RNF220: variants seen among roughly 807,000 people sequenced by gnomAD.
The protein encoded by RNF220 is ring finger protein 220, also known as E3 ubiquitin-protein ligase RNF220.
A neutral mutation model predicts 67.1 loss-of-function variants in RNF220; 7 were observed. That is an observed-to-expected ratio of 0.10 (90% CI 0.06 to 0.20). RNF220 has a LOEUF of 0.20. Ranked by LOEUF, RNF220 falls within the 10% of genes least tolerant of loss-of-function variation. RNF220 has a pLI of 1.00. For synonymous variants in RNF220, 270 were observed against 283.2 expected, an observed-to-expected ratio of 0.95 and a Z score of 0.47; for missense variants, 565 against 740.3, an observed-to-expected ratio of 0.76 and a Z score of 2.75.
At chr1:44,589,070 T>G (rs1254188176) in intron 2 of RNF220, among the ~76,000 whole-genome samples, 2 of 152,228 alleles carry the variant, frequency 1.3e-5, no homozygotes, top group Non-Finnish European at 1.5e-5. Flanking sequence ...CCTTTCTGAC[T>G]TGCCTGCTCA....
chr1:44,496,564 G>A (rs1409110300), intron 2 of RNF220, among the ~76,000 whole-genome samples: 1 of 152,148 alleles, frequency 6.6e-6, no homozygotes, highest in African/African-American at 2.4e-5. Flanking sequence ...TGAGTCCAAG[G>A]GGAAAAAGCC....
chr1:44,486,567 T>A (rs1656324686), intron 2 of RNF220, among the ~76,000 whole-genome samples: 1 of 152,356 alleles, frequency 6.6e-6, no homozygotes, highest in East Asian at 1.9e-4. Context: ...TCAGGCTGGT[T>A]TTTTATCAAA....
chr1:44,572,563 A>C lies in RNF220; in HGVS notation c.626-41602A>C, dbSNP rs554247055. Among the ~76,000 whole-genome samples, 487 of 152,316 alleles carry C rather than the reference A, an allele frequency of 3.2e-3. 6 individuals are homozygous for C. Among genetic ancestry groups the C allele is most frequent in the African/African-American group, 0.011 (457 of 41,548 alleles). On this transcript the variant is annotated intron_variant, in intron 2 of 14. Transcript: ENST00000361799. ...ATAATGTTTTGTGAAATCAATGACA[A>C]AGTGAATCTCTCTCTGTACATTGCA...
intron 2 of RNF220, among the ~76,000 whole-genome samples, chr1:44,535,218 G>A (rs778862140): frequency 2.8e-4 from 39 of 136,994 alleles, no homozygotes; most frequent in Non-Finnish European, 4.1e-4. Context: ...TCAGCTCACC[G>A]CAACCTCTGC....
At chr1:44,634,316 T>C (rs561045090) in intron 6 of RNF220, among the ~76,000 whole-genome samples, 1 of 152,378 alleles carries the variant, frequency 6.6e-6, no homozygotes, top group East Asian at 1.9e-4. Context: ...TTGATCTCTC[T>C]AAGCTTTGGG....
chr1:44,633,401 C>T (rs1389447274), intron 6 of RNF220, among the ~76,000 whole-genome samples: 1 of 152,200 alleles, frequency 6.6e-6, no homozygotes, highest in East Asian at 1.9e-4. Flanking sequence ...ATGCTACCTC[C>T]TTGGCAAATG....
At chr1:44,631,149 T>C (rs1042684213) in intron 5 of RNF220, among the ~76,000 whole-genome samples, 1 of 152,212 alleles carries the variant, frequency 6.6e-6, no homozygotes, top group South Asian at 2.1e-4. Flanking sequence ...ACCCAAATAA[T>C]TCACACACGG....
intron 1 of RNF220, among the ~76,000 whole-genome samples, chr1:44,408,508 T>TA (rs564691082): frequency 2.0e-5 from 3 of 151,536 alleles, no homozygotes; most frequent in Admixed American, 6.6e-5. Context: ...TCTGTGAACT[T>TA]AAAAAAAAAA....
In RNF220 at chr1:44,645,474, C is replaced by G; in HGVS notation, c.1431C>G (p.Asn477Lys). Residue 477 changes from asparagine (N) to lysine (K), a missense_variant, in exon 12 of 15, where the codon AAC becomes AAG. Asn to Lys is a moderately conservative substitution (Grantham distance 94). Coordinates refer to ENST00000361799, the MANE Select transcript of RNF220 (RefSeq NM_018150.4). This position sits in a 1 kb window ranked among gnomAD's most constrained non-coding sequence, Gnocchi z 5.0. ...KQEAMQKTCK[N>K]SDIEKITEDS... is the part of the protein sequence containing the mutation. ...AGGCCATGCAGAAGACCTGCAAGAA[C>G]AGCGACATCGAGAAGTAAGTGTTTG... The G allele has an allele frequency of 6.2e-7, 1 of 1,614,054 alleles. No individual in the cohort carries two copies. The highest frequency in any genetic ancestry group is 2.2e-5 in the East Asian group (1 of 44,868).
At chr1:44,521,042 T>C (rs1156921187) in intron 2 of RNF220, among the ~76,000 whole-genome samples, 1 of 152,144 alleles carries the variant, frequency 6.6e-6, no homozygotes, top group Non-Finnish European at 1.5e-5. Flanking sequence ...ACTACAGGTG[T>C]GCACCACCAT....
intron 2 of RNF220, among the ~76,000 whole-genome samples, chr1:44,482,317 T>C (rs941909192): frequency 1.3e-5 from 2 of 152,138 alleles, no homozygotes; most frequent in African/African-American, 4.8e-5. Flanking sequence ...CTAGTCTGGA[T>C]CCCTGGGGCT....
intron 2 of RNF220, among the ~76,000 whole-genome samples, chr1:44,514,431 G>C (rs547437448): frequency 6.6e-6 from 1 of 152,316 alleles, no homozygotes; most frequent in African/African-American, 2.4e-5. Context: ...AGACTTCAGG[G>C]GTTGCAGTGA....
intron 1 of RNF220, chr1:44,410,675 A>G (rs1033854362): frequency 6.6e-6 from 1 of 152,212 alleles, no homozygotes; most frequent in Non-Finnish European, 1.5e-5. Context: ...AGGGAATACC[A>G]AAGATACTCC....
intron 2 of RNF220, among the ~76,000 whole-genome samples, chr1:44,505,668 C>T (rs779898474): frequency 6.6e-6 from 1 of 152,178 alleles, no homozygotes; most frequent in Non-Finnish European, 1.5e-5. Context: ...AAGGAACAGT[C>T]CTGGCATAAA....
chr1:44,530,041 G>A lies in RNF220; in HGVS notation c.626-84124G>A, dbSNP rs187225043. ...TGCACTCCAGCCTGGGTGACAGAGTGAGACTCTTATCTCAAAAAAAAAAAA... is the reference window on the plus strand; with the variant it reads ...TGCACTCCAGCCTGGGTGACAGAGTAAGACTCTTATCTCAAAAAAAAAAAA... On this transcript the variant is annotated intron_variant, in intron 2 of 14. Coordinates refer to ENST00000361799, the MANE Select transcript of RNF220 (RefSeq NM_018150.4). 1.4e-4 allele frequency among the ~76,000 whole-genome samples: 21 copies of A among 147,292 alleles called. No individual in the cohort carries two copies. In the East Asian group the frequency reaches 4.0e-3, roughly 28 times the overall value.
chr1:44,480,300 A>G (rs1219010573), intron 2 of RNF220, among the ~76,000 whole-genome samples: 2 of 151,894 alleles, frequency 1.3e-5, no homozygotes, highest in Admixed American at 1.3e-4. Flanking sequence ...CCAGCTACTC[A>G]GGGGGCTGAG....
At position 44,621,041 on chromosome 1, in the gene RNF220, G is replaced by C. The variant is rs1331532141; in HGVS notation, c.759-1701G>C. The stretch of plus-strand genomic sequence containing the variant: ...AGCGATTCTCCTGCCTCAGCCTCCC[G>C]AGTAGCTGGGATTACAGGCGCCTGC... On this transcript the variant is annotated intron_variant, in intron 3 of 14. Coordinates refer to ENST00000361799, the MANE Select transcript of RNF220 (RefSeq NM_018150.4). The surrounding 1 kb of genome is among the most constrained non-coding windows in gnomAD (Gnocchi z 4.8). Among the ~76,000 whole-genome samples, 1 of 150,984 alleles carries C rather than the reference G, an allele frequency of 6.6e-6. No homozygotes were observed. The highest frequency in any genetic ancestry group is 2.4e-5 in the African/African-American group (1 of 40,972).
At chr1:44,559,194 G>A (rs556658619) in intron 2 of RNF220, among the ~76,000 whole-genome samples, 2 of 152,278 alleles carry the variant, frequency 1.3e-5, no homozygotes, top group South Asian at 4.1e-4. Flanking sequence ...ACTTCCTTCA[G>A]TGGTGATGGC....
At chr1:44,628,538 A>G (rs147268295) in intron 5 of RNF220, among the ~76,000 whole-genome samples, 204 of 152,334 alleles carry the variant, frequency 1.3e-3, no homozygotes, top group African/African-American at 4.8e-3. Flanking sequence ...CACACCTCCG[A>G]AAGGGCAAAT....
Sources: gnomAD v4.1 joint callset for allele counts (sites outside exome capture counted in the v4.1 genomes callset) on GRCh38, gnomAD v4.1.1 for gene constraint, Gnocchi (gnomAD v3.1) non-coding constraint, MANE v1.5 for transcripts, NCBI Gene and HGNC (gene_info 2026-07-23, HGNC 2026-07-21) for gene names.